Variants in KMT2A observed in about 807,000 individuals in gnomAD.
KMT2A encodes histone-lysine N-methyltransferase 2A.
In KMT2A, 16 loss-of-function variants were observed where a neutral mutation model predicts 345.3. The observed-to-expected ratio is 0.05, with a 90% CI of 0.03 to 0.07. KMT2A has a LOEUF of 0.07. KMT2A is among the 10% of genes least tolerant of loss of function. The probability of loss-of-function intolerance (pLI) is 1.00; values close to 1 mark genes in which losing one functional copy is unlikely to be tolerated. For missense variants in KMT2A, 3,272 were observed against 4,841.6 expected (o/e 0.68, Z 9.62); for synonymous variants, 1,599 against 1,778.6 (o/e 0.90, Z 2.54).
At position 118,471,841 on chromosome 11, in the gene KMT2A, T is replaced by C; in HGVS notation, c.682T>C (p.Phe228Leu). Residue 228 changes from phenylalanine (F) to leucine (L), a missense_variant, in exon 3 of 36, where the codon TTC becomes CTC. By Grantham distance (22) the Phe-to-Leu change is conservative. Transcript: ENST00000534358. The stretch of plus-strand genomic sequence containing the variant: ...AAAGAAGAGAGGAAGACCTCCCACC[T>C]TCCCTGGAGTAAAAATCAAAATAAC... ...IEKKRGRPPT[F>L]PGVKIKITHG... The C allele has an allele frequency of 6.2e-7, 1 of 1,612,170 alleles. No individual in the cohort carries two copies.
intron 5 of KMT2A, among the ~76,000 whole-genome samples, chr11:118,478,678 G>A (rs503106): frequency 2.6e-4 from 39 of 152,216 alleles, no homozygotes; most frequent in African/African-American, 8.2e-4. Flanking sequence ...ACAAAATTAT[G>A]ACAATTCAGG....
At chr11:118,483,581 C>T (rs1318071383) in intron 8 of KMT2A, among the ~76,000 whole-genome samples, 1 of 152,000 alleles carries the variant, frequency 6.6e-6, no homozygotes, top group African/African-American at 2.4e-5. Context: ...TTGGTTTCTT[C>T]CTTGTTGCTT....
Position 118,484,111 on chromosome 11 carries a change from A to AT in KMT2A, c.4087-70dup. 1 of 1,401,292 alleles carries AT rather than the reference A, an allele frequency of 7.1e-7. No individual in the cohort carries two copies. The highest frequency in any genetic ancestry group is 1.4e-5 in the African/African-American group (1 of 69,152). 86.8% of individuals were successfully genotyped at this position (1,401,292 alleles called of 1,614,324 possible). A position where few individuals can be genotyped will look rare whatever the true frequency, so the allele number is the denominator to read the frequency against. On this transcript the variant is annotated intron_variant, in intron 8 of 35. Coordinates refer to ENST00000534358, the MANE Select transcript of KMT2A (RefSeq NM_001197104.2). The surrounding 1 kb of genome is among the most constrained non-coding windows in gnomAD (Gnocchi z 4.1). ...TCTATTAATAAAATTTGTCATTTGC[A>AT]TTATTATCTGTTGCAAATGTGAAGG...
At chr11:118,479,575 C>T (rs1268508229) in intron 5 of KMT2A, among the ~76,000 whole-genome samples, 1 of 152,198 alleles carries the variant, frequency 6.6e-6, no homozygotes, top group Non-Finnish European at 1.5e-5. Flanking sequence ...AATCTTGTCT[C>T]AGTCCTGTTA....
intron 24 of KMT2A, 39 bp from the exon 25 acceptor site, chr11:118,500,948 C>T (rs2134378130): frequency 6.4e-7 from 1 of 1,552,786 alleles, no homozygotes; most frequent in Non-Finnish European, 8.8e-7. Context: ...TGCTTCTATC[C>T]TCTCCCTTAT....
rs1555048138 is a variant in KMT2A, at chr11:118,505,996, C to T, written c.10104C>T (p.Thr3368=). Residue 3368 remains threonine (T), a synonymous_variant, in exon 27 of 36, where the codon ACC becomes ACT. Coordinates refer to ENST00000534358, the MANE Select transcript of KMT2A (RefSeq NM_001197104.2). This position sits in a 1 kb window ranked among gnomAD's most constrained non-coding sequence, Gnocchi z 4.6. ...CAGTTCCAGGACACGTCACCTTAACCAACCCAAGGTTGCTTGGTACCCCAG... is the reference window on the plus strand; with the variant it reads ...CAGTTCCAGGACACGTCACCTTAACTAACCCAAGGTTGCTTGGTACCCCAG... The part of the protein sequence containing the change: ...SASVPGHVTL[T]NPRLLGTPDI... 1 of 1,614,180 alleles carries T rather than the reference C, an allele frequency of 6.2e-7. No individual in the cohort carries two copies. Among genetic ancestry groups the T allele is most frequent in the Non-Finnish European group, 8.5e-7 (1 of 1,180,034 alleles).
rs1555054480 is a variant in KMT2A, at chr11:118,523,821, CA to C, written c.*1650del. The C allele has an allele frequency of 4.7e-6, 1 of 210,624 alleles. No homozygotes were observed. The highest frequency in any genetic ancestry group is 9.6e-6 in the Non-Finnish European group (1 of 103,910). The allele number at this position is 210,624 out of a possible 1,614,324, so 13.0% of individuals were successfully genotyped here. ...GTGTAGCTTGTTTGTGCCCTGTTGA[CA>C]TAAATGTTTCCTGGGTTTGCTCTTT... On this transcript the variant is annotated 3_prime_UTR_variant, in exon 36 of 36. Transcript: ENST00000534358.
chr11:118,484,972 A>G lies in KMT2A; in HGVS notation c.4329A>G (p.Val1443=), dbSNP rs1233007139. 3 of 1,577,284 alleles carry G rather than the reference A, an allele frequency of 1.9e-6. No individual in the cohort carries two copies. Among genetic ancestry groups the G allele is most frequent in the Non-Finnish European group, 2.6e-6 (3 of 1,146,656 alleles). The change falls in exon 10 of 36, where the codon GTA becomes GTG. Residue 1443 remains valine (V), a synonymous_variant. Transcript: ENST00000534358. The surrounding 1 kb of genome is among the most constrained non-coding windows in gnomAD (Gnocchi z 4.1). The stretch of plus-strand genomic sequence containing the variant: ...TTCTCTGTGCCAGTAGTGGGCATGT[A>G]GAGGTAAGGCATCCTGCTTCTTTGT... ...VCFLCASSGH[V]EFVYCQVCCE... is the part of the protein sequence containing the mutation.
chr11:118,499,235 C>A, intron 22 of KMT2A, 68 bp from the exon 23 acceptor site: 2 of 959,596 alleles, frequency 2.1e-6, no homozygotes, highest in South Asian at 1.3e-5. Flanking sequence ...CACTCTGAGA[C>A]AGTCAGGATC....
chr11:118,441,139 CA>C (rs754165571), intron 1 of KMT2A, among the ~76,000 whole-genome samples: 3 of 151,804 alleles, frequency 2.0e-5, no homozygotes, highest in Non-Finnish European at 2.9e-5. Context: ...GAGTTTATTT[CA>C]AAAGTCAGAG....
Position 118,471,962 on chromosome 11 carries a change from C to A in KMT2A, c.803C>A (p.Thr268Lys), listed in dbSNP as rs943862842. Residue 268 changes from threonine to lysine, a missense_variant, in exon 3 of 36, where the codon ACA (threonine) becomes AAA (lysine). Physicochemically the swap from Thr to Lys is moderately conservative, Grantham distance 78. Around this residue, in one of 27 missense-constraint regions of KMT2A, gnomAD observed 412 missense variants for 511.0 expected, o/e 0.81. Transcript: ENST00000534358. ...CCTTCTGCTACGTTTCAGCAAGCCA[C>A]AAAGATTAAAAAATTAAGAGCAGGT... ...RTPSATFQQA[T>K]KIKKLRAGKL... The A allele has an allele frequency of 1.2e-6, 2 of 1,614,052 alleles. No individual in the cohort carries two copies. The highest frequency in any genetic ancestry group is 3.3e-5 in the Admixed American group (2 of 60,016).
In KMT2A at chr11:118,524,479, T is replaced by A. The variant is rs1177975103; in HGVS notation, c.*2307T>A. On this transcript the variant is annotated 3_prime_UTR_variant, in exon 36 of 36. Coordinates refer to ENST00000534358, the MANE Select transcript of KMT2A (RefSeq NM_001197104.2). The stretch of plus-strand genomic sequence containing the variant: ...TGGAACATTGTCACTGTTTTCACTG[T>A]CATGCAGGGAGCCCAGCACTGTGGC... 2.1e-5 allele frequency: 4 copies of A among 187,020 alleles called. No individual in the cohort carries two copies. Among genetic ancestry groups the A allele is most frequent in the Non-Finnish European group, 3.4e-5 (3 of 88,178 alleles). The allele number at this position is 187,020 out of a possible 1,614,324, so 11.6% of individuals were successfully genotyped here.
At chr11:118,439,011 T>C (rs1157013232) in intron 1 of KMT2A, 7 of 498,394 alleles carry the variant, frequency 1.4e-5, no homozygotes, top group Non-Finnish European at 2.8e-5. Context: ...AGGCCAATTC[T>C]GTATTTTTTA....
rs1555138552 is a variant in KMT2A at position 118,436,678 on chromosome 11, TC to T, written c.173del (p.Pro58ArgfsTer92). ...VGGGGPGAPP[S>X]PPAVAAAAAA... ...CGGTGGCGGCCCCGGGGCGCCCCCCTCCCCCCCGGCTGTGGCGGCCGCGGCG... is the reference window on the plus strand; with the variant it reads ...CGGTGGCGGCCCCGGGGCGCCCCCCTCCCCCCGGCTGTGGCGGCCGCGGCG... On this transcript the variant is annotated frameshift_variant, in exon 1 of 36. Transcript: ENST00000534358. LOFTEE classifies it high-confidence loss of function. The surrounding 1 kb of genome is among the most constrained non-coding windows in gnomAD (Gnocchi z 6.9). 13 of 1,207,264 alleles carry T rather than the reference TC, an allele frequency of 1.1e-5. No homozygotes were observed. Among genetic ancestry groups the T allele is most frequent in the Non-Finnish European group, 1.2e-5 (12 of 969,602 alleles). 74.8% of individuals were successfully genotyped at this position (1,207,264 alleles called of 1,614,324 possible).
chr11:118,452,113 T>A (rs1032119160), intron 1 of KMT2A, among the ~76,000 whole-genome samples: 1 of 152,158 alleles, frequency 6.6e-6, no homozygotes, highest in Non-Finnish European at 1.5e-5. Flanking sequence ...ATAATCATCA[T>A]GTATTACAGA....
chr11:118,512,220 G>A (rs1950703485), intron 31 of KMT2A, 195 bp downstream of exon 31: 1 of 592,382 alleles, frequency 1.7e-6, no homozygotes, highest in African/African-American at 1.9e-5. Flanking sequence ...ATTCAGAGTT[G>A]TATAACCACC....
At position 118,490,272 on chromosome 11, in the gene KMT2A, C is replaced by A. The variant is rs1251455138; in HGVS notation, c.4696+23C>A. 2.0e-6 allele frequency: 3 copies of A among 1,532,546 alleles called. No individual in the cohort carries two copies. The highest frequency in any genetic ancestry group is 2.6e-6 in the Non-Finnish European group (3 of 1,149,264). 94.9% of individuals were successfully genotyped at this position (1,532,546 alleles called of 1,614,324 possible). On this transcript the variant is annotated intron_variant, in intron 13 of 35. Coordinates refer to ENST00000534358, the MANE Select transcript of KMT2A (RefSeq NM_001197104.2). The surrounding 1 kb of genome is among the most constrained non-coding windows in gnomAD (Gnocchi z 4.2). The stretch of plus-strand genomic sequence containing the variant: ...AAGGTACCCAAAAAAGCCAGTTTTG[C>A]CAGCTTTCGGAGGTTGTACTTGGTG...
chr11:118,522,172 A>G lies in KMT2A; in HGVS notation c.11919A>G (p.Ter3973=). 1 of 1,613,430 alleles carries G rather than the reference A, an allele frequency of 6.2e-7. No homozygotes were observed. Among genetic ancestry groups the G allele is most frequent in the African/African-American group, 1.3e-5 (1 of 75,048 alleles). Residue 3973 remains the stop codon, a stop_retained_variant, in exon 36 of 36, where the codon TAA becomes TAG. Coordinates refer to ENST00000534358, the MANE Select transcript of KMT2A (RefSeq NM_001197104.2). The surrounding 1 kb of genome is among the most constrained non-coding windows in gnomAD (Gnocchi z 5.4). Reference sequence around the variant, plus strand: ...AGAAATGCCGGAAGTTCCTAAACTAAAGCTGCTCTTCTCCCCCAGTGTTGG... The same window carrying G: ...AGAAATGCCGGAAGTTCCTAAACTAGAGCTGCTCTTCTCCCCCAGTGTTGG... ...GAKKCRKFLN[*] is the part of the protein sequence containing the mutation.
chr11:118,477,023 TG>T, intron 4 of KMT2A, 41 bp downstream of exon 4: 2 of 1,601,080 alleles, frequency 1.2e-6, no homozygotes, highest in Non-Finnish European at 1.7e-6. Context: ...AACAGACTTT[TG>T]ATTTGTTTGT....
Sources: allele counts gnomAD v4.1 joint callset (sites outside exome capture counted in the v4.1 genomes callset), GRCh38; gene constraint gnomAD v4.1.1; regional missense constraint gnomAD v4.1.1; non-coding constraint Gnocchi (gnomAD v3.1); transcripts MANE v1.5; gene names NCBI Gene and HGNC (gene_info 2026-07-23, HGNC 2026-07-21).